CA10: variants seen among roughly 807,000 people sequenced by gnomAD.
The protein encoded by CA10 is carbonic anhydrase-related protein 10.
CA10 carries 14 observed loss-of-function variants against 44.2 expected under a neutral mutation model. That is an observed-to-expected ratio of 0.32 (90% CI 0.21 to 0.50). CA10 has a LOEUF of 0.50. Among genes scored for constraint, CA10 ranks in the 20% least tolerant of loss-of-function variants. The pLI is 0.99. For synonymous variants in CA10, 159 were observed against 141.6 expected (o/e 1.12, Z -0.87); for missense variants, 350 against 409.7 (o/e 0.85, Z 1.26).
At chr17:51,984,217 A>C (rs532574933) in intron 2 of CA10, among the ~76,000 whole-genome samples, 2 of 151,826 alleles carry the variant, frequency 1.3e-5, no homozygotes, top group African/African-American at 2.4e-5. Flanking sequence ...ACAAATAAGA[A>C]GAAACCATGC....
At chr17:51,790,471 CA>C (rs1219099569) in intron 3 of CA10, among the ~76,000 whole-genome samples, 1 of 152,232 alleles carries the variant, frequency 6.6e-6, no homozygotes, top group African/African-American at 2.4e-5. Context: ...CCTGACCTGT[CA>C]CTTTCCCAGT....
At chr17:52,067,770 C>A (rs937824258) in intron 2 of CA10, among the ~76,000 whole-genome samples, 2 of 152,204 alleles carry the variant, frequency 1.3e-5, no homozygotes, top group Non-Finnish European at 2.9e-5. Context: ...CATTATGGAC[C>A]TTTAAGATTT....
At chr17:51,649,571 A>T (rs1478188469) in intron 5 of CA10, among the ~76,000 whole-genome samples, 1 of 152,222 alleles carries the variant, frequency 6.6e-6, no homozygotes, top group Non-Finnish European at 1.5e-5. Flanking sequence ...GGATGGGTAG[A>T]AGTTAACAAA....
intron 3 of CA10, among the ~76,000 whole-genome samples, chr17:51,918,732 T>G (rs886404009): frequency 6.6e-6 from 1 of 152,180 alleles, no homozygotes; most frequent in African/African-American, 2.4e-5. Context: ...GAATAGACAC[T>G]GGGTTTGCTC....
intron 2 of CA10, among the ~76,000 whole-genome samples, chr17:52,016,114 C>A (rs929932652): frequency 2.6e-5 from 4 of 152,094 alleles, no homozygotes; most frequent in East Asian, 3.9e-4. Context: ...GCTGCCATAG[C>A]TTGATCTAAG....
intron 3 of CA10, among the ~76,000 whole-genome samples, chr17:51,838,002 C>A (rs990220349): frequency 6.6e-6 from 1 of 152,200 alleles, no homozygotes; most frequent in Admixed American, 6.5e-5. Context: ...AATTGGAGGG[C>A]AAGTGTCTTG....
chr17:51,809,978 T>C (rs1907290947), intron 3 of CA10, among the ~76,000 whole-genome samples: 1 of 152,192 alleles, frequency 6.6e-6, no homozygotes, highest in South Asian at 2.1e-4. Context: ...ATATAAGCCA[T>C]CATCCATCTT....
intron 1 of CA10, among the ~76,000 whole-genome samples, chr17:52,102,631 T>C (rs1443012720): frequency 6.6e-6 from 1 of 152,120 alleles, no homozygotes. Flanking sequence ...CAATCAGATA[T>C]CTTCCTTGCC....
chr17:51,890,226 T>C (rs1323968931), intron 3 of CA10, among the ~76,000 whole-genome samples: 5 of 152,206 alleles, frequency 3.3e-5, no homozygotes, highest in Non-Finnish European at 7.3e-5. Context: ...TTTCAGGTCA[T>C]TCATGGGGAT....
intron 1 of CA10, among the ~76,000 whole-genome samples, chr17:52,130,828 G>A (rs960235200): frequency 4.6e-5 from 7 of 152,050 alleles, no homozygotes; most frequent in African/African-American, 1.7e-4. Flanking sequence ...CTCCTGAGTA[G>A]CTGTGACAAC....
chr17:51,687,144 G>T (rs986921785), intron 4 of CA10, among the ~76,000 whole-genome samples: 2 of 152,048 alleles, frequency 1.3e-5, no homozygotes, highest in Admixed American at 1.3e-4. Context: ...TTACCTTTAT[G>T]ATCTCATTTT....
chr17:52,065,236 C>G (rs1331346100), intron 2 of CA10, among the ~76,000 whole-genome samples: 1 of 152,230 alleles, frequency 6.6e-6, no homozygotes, highest in Non-Finnish European at 1.5e-5. Flanking sequence ...TCTCCTTGAT[C>G]TCCAGACTAT....
intron 1 of CA10, among the ~76,000 whole-genome samples, chr17:52,113,733 A>G (rs1333834707): frequency 6.6e-6 from 1 of 152,272 alleles, no homozygotes; most frequent in African/African-American, 2.4e-5. Context: ...GAAGGAAGAT[A>G]AAAACACTAA....
intron 2 of CA10, among the ~76,000 whole-genome samples, chr17:52,024,787 G>T (rs1162572226): frequency 6.6e-6 from 1 of 152,050 alleles, no homozygotes; most frequent in African/African-American, 2.4e-5. Flanking sequence ...AATATGCAAA[G>T]TGCTTAGAAT....
intron 3 of CA10, among the ~76,000 whole-genome samples, chr17:51,866,416 T>C (rs964435341): frequency 5.9e-5 from 9 of 152,236 alleles, no homozygotes; most frequent in Non-Finnish European, 1.2e-4. Context: ...GCAGCTAGTT[T>C]TTACTCCTTT....
intron 3 of CA10, among the ~76,000 whole-genome samples, chr17:51,789,094 A>G (rs1906408703): frequency 1.3e-5 from 2 of 152,130 alleles, no homozygotes; most frequent in African/African-American, 4.8e-5. Context: ...GGATCACTGC[A>G]GCCTCTGCCT....
At chr17:51,660,625 C>T (rs1282759725) in intron 4 of CA10, among the ~76,000 whole-genome samples, 4 of 152,202 alleles carry the variant, frequency 2.6e-5, no homozygotes, top group Admixed American at 2.0e-4. Context: ...GACCTTAGAT[C>T]ACCTTTCTCA....
At position 51,747,085 on chromosome 17, in the gene CA10, T is replaced by A. The variant is rs541780750; in HGVS notation, c.465+548A>T. ...TCTTGTCCTATAAATGAAACTGTGG[T>A]TGGGCTCTCTGCTGTGGCCTGAGTT... On this transcript the variant is annotated intron_variant, in intron 4 of 8. Transcript: ENST00000451037. Among the ~76,000 whole-genome samples, 397 of 152,338 alleles carry A rather than the reference T, an allele frequency of 2.6e-3. 1 individual carries two copies. The highest frequency in any genetic ancestry group is 9.0e-3 in the African/African-American group (375 of 41,588).
intron 4 of CA10, among the ~76,000 whole-genome samples, chr17:51,686,445 A>G (rs939682617): frequency 3.3e-5 from 5 of 152,026 alleles, no homozygotes; most frequent in Admixed American, 2.0e-4. Context: ...AATCATCTAT[A>G]CCCTGAAGAT....
Sources: gnomAD v4.1 joint callset for allele counts (sites outside exome capture counted in the v4.1 genomes callset) on GRCh38, gnomAD v4.1.1 for gene constraint, MANE v1.5 for transcripts, NCBI Gene and HGNC (gene_info 2026-07-23, HGNC 2026-07-21) for gene names.